ZCCHC14: variants seen among roughly 807,000 people sequenced by gnomAD.
The protein encoded by ZCCHC14 is zinc finger CCHC-type containing 14.
A neutral mutation model predicts 85.0 loss-of-function variants in ZCCHC14; 16 were observed. The observed-to-expected ratio is 0.19, with a 90% CI of 0.13 to 0.29. ZCCHC14 has a LOEUF of 0.29. Ranked by LOEUF, ZCCHC14 falls within the 10% of genes least tolerant of loss-of-function variation. The pLI, the probability that ZCCHC14 is intolerant of heterozygous loss-of-function variation, is 1.00. For synonymous variants in ZCCHC14, 775 were observed against 630.7 expected, an observed-to-expected ratio of 1.23 and a Z score of -3.43; for missense variants, 1,303 against 1,443.5, an observed-to-expected ratio of 0.90 and a Z score of 1.58.
chr16:87,489,228 T>C (rs1912643053), intron 1 of ZCCHC14, among the ~76,000 whole-genome samples: 3 of 152,186 alleles, frequency 2.0e-5, no homozygotes, highest in Admixed American at 2.0e-4. Flanking sequence ...TAGGGAAAAC[T>C]AGAAACCACG....
chr16:87,435,742 G>A (rs529315274), intron 2 of ZCCHC14, among the ~76,000 whole-genome samples: 2 of 152,362 alleles, frequency 1.3e-5, no homozygotes, highest in East Asian at 1.9e-4. Flanking sequence ...GAGTCCACTC[G>A]CTTTAGAGTT....
intron 7 of ZCCHC14, 47 bp downstream of exon 7, chr16:87,418,800 G>A (rs751902552): frequency 4.5e-6 from 7 of 1,563,864 alleles, no homozygotes; most frequent in African/African-American, 4.1e-5. Context: ...AGTAAACATT[G>A]TAAAATGCTT....
At chr16:87,439,039 C>T (rs1241263383) in intron 2 of ZCCHC14, among the ~76,000 whole-genome samples, 3 of 152,150 alleles carry the variant, frequency 2.0e-5, no homozygotes, top group Non-Finnish European at 2.9e-5. Context: ...AAGCCACGAA[C>T]ATTACCAAGT....
chr16:87,449,997 A>G (rs778616330), intron 2 of ZCCHC14, among the ~76,000 whole-genome samples: 2 of 152,232 alleles, frequency 1.3e-5, no homozygotes, highest in African/African-American at 2.4e-5. Context: ...CTGAACTGAA[A>G]AATTGAGGCA....
intron 3 of ZCCHC14, among the ~76,000 whole-genome samples, chr16:87,428,459 T>TTAG (rs1188885637): frequency 6.6e-6 from 1 of 152,248 alleles, no homozygotes; most frequent in Admixed American, 6.5e-5. Flanking sequence ...TTATTTCCAC[T>TTAG]TACAAAGGAC....
intron 2 of ZCCHC14, among the ~76,000 whole-genome samples, chr16:87,439,661 T>A (rs1320728806): frequency 1.3e-5 from 2 of 152,224 alleles, no homozygotes; most frequent in Non-Finnish European, 2.9e-5. Flanking sequence ...CCAAAAGATG[T>A]AGGTATAACT....
chr16:87,417,903 C>G, intron 7 of ZCCHC14, 161 bp from the exon 8 acceptor site: 1 of 797,728 alleles, frequency 1.3e-6, no homozygotes, highest in South Asian at 2.0e-5. Context: ...TGTGCTATGA[C>G]TGCCCTCCCT....
At chr16:87,485,825 A>T (rs1428621948) in intron 1 of ZCCHC14, among the ~76,000 whole-genome samples, 1 of 152,184 alleles carries the variant, frequency 6.6e-6, no homozygotes, top group Non-Finnish European at 1.5e-5. Context: ...GTTAATTCAA[A>T]AGGTAGATGA....
chr16:87,452,874 C>G (rs2150752856), intron 2 of ZCCHC14, among the ~76,000 whole-genome samples: 1 of 152,332 alleles, frequency 6.6e-6, no homozygotes, highest in South Asian at 2.1e-4. Context: ...CCCATGCCTT[C>G]CAGCAGCGTG....
At chr16:87,425,569 T>G (rs2052169550) in intron 3 of ZCCHC14, among the ~76,000 whole-genome samples, 1 of 146,272 alleles carries the variant, frequency 6.8e-6, no homozygotes, top group African/African-American at 2.6e-5. Flanking sequence ...AGAGCGAAAC[T>G]CTATCAAAAA....
chr16:87,430,591 G>A (rs575239625), intron 3 of ZCCHC14, among the ~76,000 whole-genome samples: 4 of 149,842 alleles, frequency 2.7e-5, no homozygotes, highest in African/African-American at 7.4e-5. Context: ...GTACAATCTC[G>A]GCTCACTGCA....
At chr16:87,452,742 G>C (rs1910765056) in intron 2 of ZCCHC14, among the ~76,000 whole-genome samples, 1 of 152,164 alleles carries the variant, frequency 6.6e-6, no homozygotes, top group Admixed American at 6.5e-5. Context: ...AGTGAGCTCT[G>C]AAAGCACCTA....
intron 1 of ZCCHC14, chr16:87,467,114 G>C: frequency 1.4e-6 from 1 of 723,264 alleles, no homozygotes; most frequent in Non-Finnish European, 2.4e-6. Flanking sequence ...CTAACTCCTG[G>C]CCTCAAAAGT....
intron 1 of ZCCHC14, chr16:87,473,404 T>C (rs1427801317): frequency 6.6e-6 from 1 of 152,220 alleles, no homozygotes; most frequent in Admixed American, 6.5e-5. Context: ...GGTTCCACCA[T>C]GTTGGCCAGG....
In ZCCHC14 at chr16:87,409,005, C is replaced by G. The variant is rs1908321140; in HGVS notation, c.*1275G>C. On this transcript the variant is annotated 3_prime_UTR_variant, in exon 13 of 13. Transcript: ENST00000671377. ...AAGTCCGTAAATTTCAGACAAAAGG[C>G]TTTCATTTCCGTGGGTTGAAATTTA... 2 of 152,586 alleles carry G rather than the reference C, an allele frequency of 1.3e-5. No homozygotes were observed. The highest frequency in any genetic ancestry group is 2.1e-4 in the South Asian group (1 of 4,822). The allele number at this position is 152,586 out of a possible 1,614,324, so 9.5% of individuals were successfully genotyped here. A position where few individuals can be genotyped will look rare whatever the true frequency, so the allele number is the denominator to read the frequency against.
At chr16:87,467,105 T>TAA (rs1911559947) in intron 1 of ZCCHC14, 3 of 649,000 alleles carry the variant, frequency 4.6e-6, no homozygotes, top group Admixed American at 5.0e-5. Flanking sequence ...ATCTGACCTC[T>TAA]AACTCCTGGC....
In ZCCHC14 at chr16:87,410,313, G is replaced by T. The variant is rs267604674; in HGVS notation, c.3228C>A (p.Ala1076=). The part of the protein sequence containing the change: ...NRPGTFRLKY[A]PPAESLDSTD ...TGGAGTCCAGACTTTCTGCTGGAGG[G>T]GCGTATTTCAACCTAAAAGTACCTA... Residue 1076 remains alanine (A), a synonymous_variant, in exon 13 of 13, where the codon GCC becomes GCA. Coordinates refer to ENST00000671377, the MANE Select transcript of ZCCHC14 (RefSeq NM_015144.3). 1 of 776,580 alleles carries T rather than the reference G, an allele frequency of 1.3e-6. No individual in the cohort carries two copies. The highest frequency in any genetic ancestry group is 2.4e-6 in the Non-Finnish European group (1 of 416,606). 48.1% of individuals were successfully genotyped at this position (776,580 alleles called of 1,614,324 possible).
intron 2 of ZCCHC14, among the ~76,000 whole-genome samples, chr16:87,445,282 G>T (rs1389532680): frequency 6.6e-6 from 1 of 152,016 alleles, no homozygotes; most frequent in Non-Finnish European, 1.5e-5. Flanking sequence ...GACCAGGATG[G>T]TCTCGATCTC....
chr16:87,421,029 C>G (rs776274893), intron 4 of ZCCHC14, among the ~76,000 whole-genome samples: 7 of 152,246 alleles, frequency 4.6e-5, no homozygotes, highest in Admixed American at 2.0e-4. Flanking sequence ...GCTCCCATGA[C>G]AAGCCAGGGC....
Sources: allele counts gnomAD v4.1 joint callset (sites outside exome capture counted in the v4.1 genomes callset), GRCh38; gene constraint gnomAD v4.1.1; transcripts MANE v1.5; gene names NCBI Gene and HGNC (gene_info 2026-07-23, HGNC 2026-07-21).